The following SLC26A6 variants were observed in gnomAD, a reference collection of about 807,000 sequenced individuals.
SLC26A6 encodes anion exchange transporter.
Under a neutral mutation model 87.1 loss-of-function variants are expected in SLC26A6, and 67 were observed. The observed-to-expected ratio is 0.77, with a 90% CI of 0.63 to 0.94. The LOEUF (loss-of-function observed/expected upper bound fraction) is 0.94. Ranked by LOEUF, SLC26A6 falls within the 40% of genes least tolerant of loss-of-function variation. SLC26A6 has a pLI of 0.00. For synonymous variants in SLC26A6, 414 were observed against 405.9 expected (o/e 1.02, Z -0.24); for missense variants, 902 against 973.0 (o/e 0.93, Z 0.97).
rs1010837422 is a variant in SLC26A6 at position 48,627,973 on chromosome 3, G to A, written c.1866C>T (p.Ser622=). Residue 622 remains serine, a synonymous_variant, in exon 17 of 21, where the codon AGC becomes AGT. Coordinates refer to ENST00000395550, the MANE Select transcript of SLC26A6 (RefSeq NM_022911.3). ...TCATCTTGCAGTCCTCAACGTTGTT[G>A]CTCCTCATGTCTTCAAGGCTGGTGT... ...NVNTSLEDMR[S]NNVEDCKMMQ... The A allele has an allele frequency of 1.3e-6, 2 of 1,593,802 alleles. No homozygotes were observed. The highest frequency in any genetic ancestry group is 3.3e-4 in the Middle Eastern group (2 of 5,996).
intron 8 of SLC26A6, 27 bp from the exon 9 acceptor site, chr3:48,631,167 G>T: frequency 6.2e-7 from 1 of 1,613,532 alleles, no homozygotes; most frequent in Non-Finnish European, 8.5e-7. Context: ...TGAGGCCAAA[G>T]CAAGGTCCTG....
intron 14 of SLC26A6, among the ~76,000 whole-genome samples, chr3:48,629,235 C>T (rs1651313442): frequency 6.6e-6 from 1 of 151,978 alleles, no homozygotes; most frequent in Non-Finnish European, 1.5e-5. Context: ...GAGCCCCCCA[C>T]CTATGTTCCT....
At chr3:48,633,905 G>A (rs1474792697) in intron 1 of SLC26A6, 9 of 1,339,080 alleles carry the variant, frequency 6.7e-6, no homozygotes, top group East Asian at 6.3e-5. Flanking sequence ...ACCTCCAGCC[G>A]AGATGTGGCA....
intron 4 of SLC26A6, 106 bp from the exon 5 acceptor site, chr3:48,632,502 T>C (rs949106889): frequency 6.9e-7 from 1 of 1,445,242 alleles, no homozygotes; most frequent in Non-Finnish European, 9.5e-7. Flanking sequence ...TGGATAAATG[T>C]ACTCAGATTA....
In SLC26A6 at chr3:48,632,407, G is replaced by A. The variant is rs761009853; in HGVS notation, c.434-11C>T. ...TGACAGCAAAGGTCCCTGTAAGGAC[G>A]GCACGGGGCAGGTCTGAAGAGGAGA... On this transcript the variant is annotated splice_polypyrimidine_tract_variant and intron_variant, in intron 4 of 20. Coordinates refer to ENST00000395550, the MANE Select transcript of SLC26A6 (RefSeq NM_022911.3). 5.6e-6 allele frequency: 9 copies of A among 1,599,196 alleles called. No individual in the cohort carries two copies. The highest frequency in any genetic ancestry group is 3.4e-5 in the Admixed American group (2 of 59,036).
In SLC26A6 at chr3:48,631,664, G is replaced by A. The variant is rs377090032; in HGVS notation, c.888C>T (p.Pro296=). 44 of 1,613,280 alleles carry A rather than the reference G, an allele frequency of 2.7e-5. No homozygotes were observed. The highest frequency in any genetic ancestry group is 1.5e-4 in the Admixed American group (9 of 60,004). Residue 296 remains proline, a synonymous_variant, in exon 7 of 21, where the codon CCC becomes CCT. Transcript: ENST00000395550. ...GCCCTCGAACCGTGAGCAGCTCCCC[G>A]GGTATCGGCATGGGCAGCTGCTGCT... ...KLQQQLPMPI[P]GELLTLIGAT...
At position 48,631,230 on chromosome 3, in the gene SLC26A6, G is replaced by A; in HGVS notation, c.980C>T (p.Pro327Leu). 6.2e-7 allele frequency: 1 copy of A among 1,611,366 alleles called. No homozygotes were observed. Among genetic ancestry groups the A allele is most frequent in the Non-Finnish European group, 8.5e-7 (1 of 1,178,320 alleles). The change falls in exon 8 of 21, where the codon CCT becomes CTT. Residue 327 changes from proline (P) to leucine (L), a missense_variant. Pro to Leu is a moderately conservative substitution (Grantham distance 98). Around this residue, in one of 3 missense-constraint regions of SLC26A6, gnomAD observed 800 missense variants for 856.8 expected, o/e 0.93. Coordinates refer to ENST00000395550, the MANE Select transcript of SLC26A6 (RefSeq NM_022911.3). ...RFEVDVVGNI[P>L]AGLVPPVAPN... ...GATGGAGGCCAGAGCTCACCCTGCA[G>A]GGATGTTGCCCACGACATCTACCTC...
Position 48,631,990 on chromosome 3 carries a change from G to A in SLC26A6, c.640C>T (p.Leu214Phe), listed in dbSNP as rs761326741. 8.1e-6 allele frequency: 13 copies of A among 1,613,474 alleles called. No individual in the cohort carries two copies. The highest frequency in any genetic ancestry group is 4.0e-5 in the African/African-American group (3 of 74,928). Residue 214 changes from leucine to phenylalanine, a missense_variant, in exon 6 of 21, where the codon CTT becomes TTT. Coordinates refer to ENST00000395550, the MANE Select transcript of SLC26A6 (RefSeq NM_022911.3). ...GFVVTYLSEP[L>F]VRGYTTAAAV... ...GCAGCTGTGGTATAGCCTCGGACAAGAGGTTCTGACAGGTAGGTGACCACG... is the reference window on the plus strand; with the variant it reads ...GCAGCTGTGGTATAGCCTCGGACAAAAGGTTCTGACAGGTAGGTGACCACG...
rs1374377456 is a variant in SLC26A6 at position 48,628,977 on chromosome 3, CCAACCCCTG to C, written c.1600-272_1600-264del. The stretch of plus-strand genomic sequence containing the variant: ...GGCTCTTAACCTTTCTCTTGGGTTT[CCAACCCCTG>C]CCTTGTGTTCTGTTTTCTGCACCCA... On this transcript the variant is annotated intron_variant, in intron 14 of 20. Transcript: ENST00000395550. This position sits in a 1 kb window ranked among gnomAD's most constrained non-coding sequence, Gnocchi z 4.4. Among the ~76,000 whole-genome samples the C allele has an allele frequency of 1.3e-5, 2 of 152,178 alleles. No individual in the cohort carries two copies. The highest frequency in any genetic ancestry group is 4.8e-5 in the African/African-American group (2 of 41,428).
At chr3:48,634,086 CT>C in intron 1 of SLC26A6, 1 of 192,736 alleles carries the variant, frequency 5.2e-6, no homozygotes, top group Non-Finnish European at 1.1e-5. Context: ...CAAGCAACTC[CT>C]TTCCCAAGCC....
At chr3:48,626,036 T>A in intron 20 of SLC26A6, 36 bp from the exon 21 acceptor site, 1 of 1,613,588 alleles carries the variant, frequency 6.2e-7, no homozygotes, top group South Asian at 1.1e-5. Flanking sequence ...CTAGTCAGTT[T>A]CCAAAGGACA....
intron 6 of SLC26A6, 38 bp downstream of exon 6, chr3:48,631,842 G>C (rs1404233977): frequency 1.2e-6 from 2 of 1,613,104 alleles, no homozygotes; most frequent in Admixed American, 1.7e-5. Flanking sequence ...CAAGGCCATG[G>C]GGCACACCTA....
chr3:48,630,111 C>T lies in SLC26A6; in HGVS notation c.1373G>A (p.Arg458Lys). 3.7e-6 allele frequency: 6 copies of T among 1,611,492 alleles called. No homozygotes were observed. The highest frequency in any genetic ancestry group is 5.1e-6 in the Non-Finnish European group (6 of 1,178,138). The change falls in exon 12 of 21, where the codon AGG becomes AAG. Residue 458 changes from arginine to lysine, a missense_variant. This residue lies in a region of SLC26A6 where 800 missense variants were observed against 856.8 expected (regional missense o/e 0.93). Transcript: ENST00000395550. ...IIIVNLKGML[R>K]QLSDMRSLWK... ...GAGGGAGCGCATGTCGCTGAGCTGCCTCAGCATGCCCTTCAGGTTCACAAT... is the reference window on the plus strand; with the variant it reads ...GAGGGAGCGCATGTCGCTGAGCTGCTTCAGCATGCCCTTCAGGTTCACAAT...
intron 4 of SLC26A6, 144 bp downstream of exon 4, chr3:48,632,830 G>A (rs972339989): frequency 2.4e-6 from 2 of 816,568 alleles, no homozygotes; most frequent in Admixed American, 2.1e-5. Context: ...TCCTGCCTGG[G>A]GATGACTCGT....
chr3:48,630,021 G>A (rs1422549033), intron 12 of SLC26A6, 41 bp downstream of exon 12: 2 of 1,613,626 alleles, frequency 1.2e-6, no homozygotes, highest in East Asian at 4.5e-5. Context: ...GAGGAGCCAT[G>A]GGGCTGCCCA....
rs2046777893 is a variant in SLC26A6, at chr3:48,631,112, G to A, written c.1015C>T (p.Gln339Ter). 1 of 1,613,568 alleles carries A rather than the reference G, an allele frequency of 6.2e-7. No homozygotes were observed. Among genetic ancestry groups the A allele is most frequent in the Admixed American group, 1.7e-5 (1 of 60,004 alleles). The change falls in exon 9 of 21, where the codon CAG (glutamine) becomes TAG (stop). Residue 339 changes from glutamine (Q) to a stop codon, truncating the protein, a stop_gained. Coordinates refer to ENST00000395550, the MANE Select transcript of SLC26A6 (RefSeq NM_022911.3). LOFTEE classifies it high-confidence loss of function. ...GLVPPVAPNT[Q>*]LFSKLVGSAF... ...CTGCCCACGAGCTTTGAGAACAGCT[G>A]GGTGTTGGGGGCCACTGGGGGCACC...
At chr3:48,626,183 C>CA in intron 20 of SLC26A6, 35 bp downstream of exon 20, 1 of 1,613,504 alleles carries the variant, frequency 6.2e-7, no homozygotes, top group Non-Finnish European at 8.5e-7. Context: ...AATAGATTAA[C>CA]AAAAAAGAGC....
rs1337027517 is a variant in SLC26A6, at chr3:48,628,521, G to A, written c.1713C>T (p.Phe571=). 2 of 1,613,936 alleles carry A rather than the reference G, an allele frequency of 1.2e-6. No individual in the cohort carries two copies. Among genetic ancestry groups the A allele is most frequent in the African/African-American group, 1.3e-5 (1 of 74,888 alleles). Residue 571 remains phenylalanine, a synonymous_variant, in exon 16 of 21, where the codon TTC becomes TTT. Transcript: ENST00000395550. The surrounding 1 kb of genome is among the most constrained non-coding windows in gnomAD (Gnocchi z 4.4). ...LKQRCGVDVD[F]LISQKKKLLK... ...GCAGTTTCTTCTTCTGGGAGATGAG[G>A]AAGTCGACATCCACACCACACTGGA... is the stretch of plus-strand genomic sequence containing the variant.
rs1559463054 is a variant in SLC26A6, at chr3:48,625,962, A to C, written c.*24T>G. On this transcript the variant is annotated 3_prime_UTR_variant, in exon 21 of 21. Coordinates refer to ENST00000395550, the MANE Select transcript of SLC26A6 (RefSeq NM_022911.3). The surrounding 1 kb of genome is among the most constrained non-coding windows in gnomAD (Gnocchi z 4.7). Reference sequence around the variant, plus strand: ...GGGTGCCCTGCACCTCCAGAGGTGCAGTCTTGGGCAGGATGTAGCATGTTC... The same window carrying C: ...GGGTGCCCTGCACCTCCAGAGGTGCCGTCTTGGGCAGGATGTAGCATGTTC... The C allele has an allele frequency of 6.2e-7, 1 of 1,613,802 alleles. No individual in the cohort carries two copies. Among genetic ancestry groups the C allele is most frequent in the Non-Finnish European group, 8.5e-7 (1 of 1,179,960 alleles).
Sources: allele counts gnomAD v4.1 joint callset (sites outside exome capture counted in the v4.1 genomes callset), GRCh38; gene constraint gnomAD v4.1.1; regional missense constraint gnomAD v4.1.1; non-coding constraint Gnocchi (gnomAD v3.1); transcripts MANE v1.5; gene names NCBI Gene and HGNC (gene_info 2026-07-23, HGNC 2026-07-21).